The following LRP1B variants were observed in gnomAD, a reference collection of about 807,000 sequenced individuals.
LRP1B encodes the protein LDL receptor related protein 1B.
LRP1B carries 217 observed loss-of-function variants against 556.6 expected under a neutral mutation model. The ratio of observed to expected loss-of-function variants is 0.39; its 90% confidence interval spans 0.35 to 0.44. LRP1B has a LOEUF of 0.44. Ranked by LOEUF, LRP1B falls within the 20% of genes least tolerant of loss-of-function variation. The pLI is 1.00. For missense variants in LRP1B, 5,053 were observed against 5,620.8 expected, an observed-to-expected ratio of 0.90 and a Z score of 3.23; for synonymous variants, 2,047 against 1,865.8, an observed-to-expected ratio of 1.10 and a Z score of -2.50.
intron 4 of LRP1B, among the ~76,000 whole-genome samples, chr2:141,249,411 A>G (rs1464625965): frequency 6.6e-6 from 1 of 152,154 alleles, no homozygotes; most frequent in African/African-American, 2.4e-5. Context: ...AGCATGGCCA[A>G]CATGGCGAAG....
chr2:141,918,410 C>A (rs1416777164), intron 1 of LRP1B, among the ~76,000 whole-genome samples: 2 of 152,028 alleles, frequency 1.3e-5, no homozygotes, highest in East Asian at 1.9e-4. Flanking sequence ...AAAGCTATTT[C>A]ATCCTAATCT....
At chr2:141,756,544 TAC>T (rs35271250) in intron 2 of LRP1B, among the ~76,000 whole-genome samples, 10,221 of 143,284 alleles carry the variant, frequency 0.071, 385 homozygotes, top group African/African-American at 0.1. Context: ...TCTCTCAAAT[TAC>T]ACACACACAC....
intron 43 of LRP1B, among the ~76,000 whole-genome samples, chr2:140,595,314 C>T (rs544964914): frequency 4.0e-5 from 6 of 151,566 alleles, no homozygotes; most frequent in East Asian, 3.9e-4. Context: ...CTTTTCAAGG[C>T]GAACTAACAA....
intron 6 of LRP1B, among the ~76,000 whole-genome samples, chr2:141,221,072 TG>T (rs1683015428): frequency 6.6e-6 from 1 of 151,922 alleles, no homozygotes; most frequent in Non-Finnish European, 1.5e-5. Context: ...TAAAAGTAAA[TG>T]GGCCAAATGC....
At chr2:140,527,182 A>G (rs180728998) in intron 47 of LRP1B, among the ~76,000 whole-genome samples, 47 of 152,062 alleles carry the variant, frequency 3.1e-4, no homozygotes, top group Non-Finnish European at 5.6e-4. Flanking sequence ...GTTCCTTTCT[A>G]AGTTGCTTAC....
intron 84 of LRP1B, among the ~76,000 whole-genome samples, chr2:140,281,809 A>G (rs1480804894): frequency 1.3e-5 from 2 of 151,682 alleles, no homozygotes; most frequent in Admixed American, 6.6e-5. Context: ...TTTATATTCC[A>G]CCTTCACTGT....
At chr2:141,408,363 C>T (rs1280981024) in intron 3 of LRP1B, among the ~76,000 whole-genome samples, 1 of 151,932 alleles carries the variant, frequency 6.6e-6, no homozygotes, top group Non-Finnish European at 1.5e-5. Flanking sequence ...CCAGGATGGT[C>T]TCGATCTCCT....
At chr2:140,892,169 C>A (rs1693817601) in intron 23 of LRP1B, among the ~76,000 whole-genome samples, 1 of 151,792 alleles carries the variant, frequency 6.6e-6, no homozygotes, top group South Asian at 2.1e-4. Flanking sequence ...GCCTAGAAGA[C>A]CCTAAATATG....
chr2:141,724,964 A>T (rs1270666012), intron 2 of LRP1B, among the ~76,000 whole-genome samples: 1 of 152,014 alleles, frequency 6.6e-6, no homozygotes, highest in Non-Finnish European at 1.5e-5. Context: ...TGAATAATTC[A>T]CAGGTATAGA....
chr2:140,347,799 T>C (rs1180282728), intron 77 of LRP1B, among the ~76,000 whole-genome samples: 2 of 151,944 alleles, frequency 1.3e-5, no homozygotes, highest in East Asian at 3.9e-4. Flanking sequence ...GGGAAAAATC[T>C]TGAGTTTTAT....
chr2:140,774,303 G>A (rs1380090802), intron 33 of LRP1B, among the ~76,000 whole-genome samples: 1 of 151,946 alleles, frequency 6.6e-6, no homozygotes, highest in Non-Finnish European at 1.5e-5. Context: ...TGTTCATTTG[G>A]CAATACTTTC....
intron 1 of LRP1B, among the ~76,000 whole-genome samples, chr2:142,025,253 C>T (rs537036110): frequency 2.5e-4 from 38 of 152,172 alleles, no homozygotes; most frequent in African/African-American, 7.9e-4. Context: ...AGTTGTATTA[C>T]AATCATTTTA....
intron 18 of LRP1B, among the ~76,000 whole-genome samples, chr2:140,975,528 G>T (rs929253392): frequency 7.5e-6 from 1 of 133,446 alleles, no homozygotes; most frequent in Non-Finnish European, 1.7e-5. Context: ...AGAACCTGAA[G>T]TCTGGCCAGC....
intron 21 of LRP1B, among the ~76,000 whole-genome samples, chr2:140,919,001 CA>C (rs1694661124): frequency 1.3e-5 from 2 of 151,896 alleles, no homozygotes; most frequent in Admixed American, 1.3e-4. Flanking sequence ...AATTCTTAGT[CA>C]TTTTGGGAGT....
At chr2:140,701,997 A>ACTT in intron 39 of LRP1B, 144 bp downstream of exon 39, 1 of 1,292,992 alleles carries the variant, frequency 7.7e-7, no homozygotes, top group Admixed American at 2.2e-5. Flanking sequence ...GAATAGCAAG[A>ACTT]GTACCTGCCT....
Position 140,373,102 on chromosome 2 carries a change from G to A in LRP1B, c.10674C>T (p.Phe3558=), listed in dbSNP as rs1683064524. Residue 3558 remains phenylalanine, a synonymous_variant, in exon 69 of 91, where the codon TTC becomes TTT. Transcript: ENST00000389484. ...GTATACACTGACCATTGGAACACCG[G>A]AACTGATCTTTGGAACAACTTGTCT... The part of the protein sequence containing the change: ...NCETSCSKDQ[F]RCSNGQCIPA... 1.9e-6 allele frequency: 3 copies of A among 1,613,074 alleles called. No individual in the cohort carries two copies. Among genetic ancestry groups the A allele is most frequent in the East Asian group, 4.5e-5 (2 of 44,746 alleles).
At chr2:141,369,618 A>G (rs1473989739) in intron 3 of LRP1B, among the ~76,000 whole-genome samples, 2 of 152,184 alleles carry the variant, frequency 1.3e-5, no homozygotes, top group African/African-American at 4.8e-5. Flanking sequence ...TTACAATTCC[A>G]AGATAGAGTA....
rs569458087 is a variant in LRP1B, at chr2:141,569,335, T to TA, written c.206-88803dup. 2.9e-4 allele frequency among the ~76,000 whole-genome samples: 44 copies of TA among 149,512 alleles called. 6 individuals carry two copies. The highest frequency in any genetic ancestry group is 2.6e-3 in the Admixed American group (39 of 15,000). On this transcript the variant is annotated intron_variant, in intron 2 of 90. Coordinates refer to ENST00000389484, the MANE Select transcript of LRP1B (RefSeq NM_018557.3). ...GGATTTTAAGCAGGCCCTAGAAATA[T>TA]AAAAAAAAGGGCATTTTCAGAAAAG...
intron 18 of LRP1B, among the ~76,000 whole-genome samples, chr2:140,958,907 G>A (rs1026849746): frequency 7.3e-5 from 11 of 151,534 alleles, no homozygotes; most frequent in Admixed American, 4.0e-4. Context: ...ATATATGAGG[G>A]TTAGGTAGAG....
Sources: gnomAD v4.1 joint callset for allele counts (sites outside exome capture counted in the v4.1 genomes callset) on GRCh38, gnomAD v4.1.1 for gene constraint, MANE v1.5 for transcripts, NCBI Gene and HGNC (gene_info 2026-07-23, HGNC 2026-07-21) for gene names.